Variants in TAFA1 observed in about 807,000 individuals in gnomAD.
TAFA1 encodes the protein chemokine-like protein TAFA-1.
Under a neutral mutation model 18.5 loss-of-function variants are expected in TAFA1, and 4 were observed. The ratio of observed to expected loss-of-function variants is 0.22; its 90% CI spans 0.11 to 0.49. TAFA1 has a LOEUF of 0.49. TAFA1 is among the 20% of genes least tolerant of loss of function. TAFA1 has a pLI of 0.98. For synonymous variants in TAFA1, 56 were observed against 55.2 expected (o/e 1.01, Z -0.06); for missense variants, 147 against 169.0 (o/e 0.87, Z 0.72).
intron 2 of TAFA1, among the ~76,000 whole-genome samples, chr3:68,219,375 T>C (rs959330932): frequency 6.6e-6 from 1 of 152,190 alleles, no homozygotes; most frequent in Non-Finnish European, 1.5e-5. Context: ...TATCAAAATA[T>C]AGTTTAGAAC....
At position 68,190,756 on chromosome 3, in the gene TAFA1, A is replaced by C. The variant is rs993073518; in HGVS notation, c.118+184012A>C. Among the ~76,000 whole-genome samples the C allele has an allele frequency of 2.0e-5, 3 of 151,918 alleles. No individual in the cohort carries two copies. In the East Asian group the frequency reaches 5.9e-4, roughly 30 times the overall value. On this transcript the variant is annotated intron_variant, in intron 2 of 4. Coordinates refer to ENST00000478136, the MANE Select transcript of TAFA1 (RefSeq NM_213609.4). ...TAGGAAATACACCATGTGGGCTGTT[A>C]AGTTTTTTTTCTTAAAATATCTTTA...
intron 2 of TAFA1, among the ~76,000 whole-genome samples, chr3:68,308,194 T>A (rs188747363): frequency 1.3e-5 from 2 of 152,312 alleles, no homozygotes; most frequent in Admixed American, 1.3e-4. Flanking sequence ...GGCTTTATAC[T>A]GAAGGTAATT....
intron 2 of TAFA1, among the ~76,000 whole-genome samples, chr3:68,331,306 T>A (rs924145549): frequency 1.3e-5 from 2 of 152,158 alleles, no homozygotes; most frequent in Non-Finnish European, 2.9e-5. Flanking sequence ...GAGACTGACT[T>A]CTTGAAGGGT....
intron 3 of TAFA1, among the ~76,000 whole-genome samples, chr3:68,524,571 A>G (rs1049817308): frequency 2.0e-5 from 3 of 152,208 alleles, no homozygotes; most frequent in Admixed American, 6.5e-5. Flanking sequence ...TAGAAAAGTA[A>G]GGTTTTAAGC....
In TAFA1 at chr3:68,196,815, A is replaced by G. The variant is rs114660009; in HGVS notation, c.118+190071A>G. 7.3e-3 allele frequency among the ~76,000 whole-genome samples: 1,111 copies of G among 151,798 alleles called. 15 individuals are homozygous for G. The highest frequency in any genetic ancestry group is 0.026 in the African/African-American group (1,066 of 41,464). ...TAGAACAGTCCTAGGAAGAATTTTA[A>G]TTGGCCCTGTTTAGCTCATTTACCA... is the stretch of plus-strand genomic sequence containing the variant. On this transcript the variant is annotated intron_variant, in intron 2 of 4. Transcript: ENST00000478136.
chr3:68,007,056 A>C (rs1389603225), intron 2 of TAFA1, among the ~76,000 whole-genome samples: 1 of 152,222 alleles, frequency 6.6e-6, no homozygotes, highest in African/African-American at 2.4e-5. Flanking sequence ...AAAAGTTGGA[A>C]TAACTTTCAA....
intron 4 of TAFA1, among the ~76,000 whole-genome samples, chr3:68,544,057 C>T (rs1454643710): frequency 6.6e-6 from 1 of 152,058 alleles, no homozygotes; most frequent in African/African-American, 2.4e-5. Flanking sequence ...GGAGTGATTA[C>T]ATAACATGCA....
intron 3 of TAFA1, among the ~76,000 whole-genome samples, chr3:68,523,299 A>G (rs2073056711): frequency 6.6e-6 from 1 of 152,220 alleles, no homozygotes; most frequent in Admixed American, 6.5e-5. Context: ...TTTGTACTTT[A>G]ATGTAAAATC....
chr3:68,023,635 C>G (rs979294288), intron 2 of TAFA1, among the ~76,000 whole-genome samples: 1 of 152,026 alleles, frequency 6.6e-6, no homozygotes, highest in African/African-American at 2.4e-5. Flanking sequence ...GCTTAGATAT[C>G]TTAGCTTATT....
At chr3:68,319,293 ATCT>A (rs2068659747) in intron 2 of TAFA1, among the ~76,000 whole-genome samples, 1 of 152,176 alleles carries the variant, frequency 6.6e-6, no homozygotes, top group Non-Finnish European at 1.5e-5. Context: ...AGAAATACAA[ATCT>A]CTAGAACAGC....
At chr3:68,375,789 T>A (rs1436987230) in intron 2 of TAFA1, among the ~76,000 whole-genome samples, 1 of 152,170 alleles carries the variant, frequency 6.6e-6, no homozygotes, top group African/African-American at 2.4e-5. Flanking sequence ...TTGAGACCAT[T>A]GCTATAGCCT....
intron 2 of TAFA1, chr3:68,144,997 C>T (rs1319850850): frequency 1.8e-5 from 27 of 1,520,866 alleles, no homozygotes; most frequent in South Asian, 9.0e-5. Flanking sequence ...GGAGACCGGC[C>T]GTGAAGATGC....
At chr3:68,061,584 G>A (rs550962647) in intron 2 of TAFA1, among the ~76,000 whole-genome samples, 16 of 152,304 alleles carry the variant, frequency 1.1e-4, no homozygotes, top group African/African-American at 3.6e-4. Context: ...CTGAAAGCTG[G>A]GAAGGGGGAT....
At chr3:68,135,733 C>T (rs1276063748) in intron 2 of TAFA1, among the ~76,000 whole-genome samples, 1 of 152,154 alleles carries the variant, frequency 6.6e-6, no homozygotes, top group Non-Finnish European at 1.5e-5. Flanking sequence ...TTCCGAATAG[C>T]AGTTTATTTA....
At chr3:68,199,209 A>G (rs978496748) in intron 2 of TAFA1, among the ~76,000 whole-genome samples, 3 of 151,460 alleles carry the variant, frequency 2.0e-5, no homozygotes, top group African/African-American at 7.3e-5. Flanking sequence ...TTCTGTGTCA[A>G]TGATTTATTT....
intron 3 of TAFA1, among the ~76,000 whole-genome samples, chr3:68,530,618 T>C (rs1395990863): frequency 6.6e-6 from 1 of 152,158 alleles, no homozygotes; most frequent in Non-Finnish European, 1.5e-5. Flanking sequence ...GTGGCTGATA[T>C]TTAATTAACT....
chr3:68,320,563 C>T (rs1272575425), intron 2 of TAFA1, among the ~76,000 whole-genome samples: 3 of 152,134 alleles, frequency 2.0e-5, no homozygotes, highest in Non-Finnish European at 4.4e-5. Context: ...GTCATGATCC[C>T]ACCTTCTACT....
intron 2 of TAFA1, among the ~76,000 whole-genome samples, chr3:68,252,052 T>C (rs1394938884): frequency 1.3e-5 from 2 of 152,198 alleles, no homozygotes; most frequent in Non-Finnish European, 2.9e-5. Context: ...TGCTCTGTCA[T>C]TGCCTTTATA....
At chr3:68,421,003 G>A (rs925290929) in intron 3 of TAFA1, among the ~76,000 whole-genome samples, 1 of 152,164 alleles carries the variant, frequency 6.6e-6, no homozygotes, top group Non-Finnish European at 1.5e-5. Context: ...CCTTGAAGCC[G>A]TTAACTATAA....
Sources: gnomAD v4.1 joint callset for allele counts (sites outside exome capture counted in the v4.1 genomes callset) on GRCh38, gnomAD v4.1.1 for gene constraint, MANE v1.5 for transcripts, NCBI Gene and HGNC (gene_info 2026-07-23, HGNC 2026-07-21) for gene names.